Variants in ACTR3B observed in about 807,000 individuals in gnomAD.
ACTR3B encodes actin-related protein 3B.
ACTR3B carries 8 observed loss-of-function variants against 59.0 expected under a neutral mutation model. That is an observed-to-expected ratio of 0.14 (90% CI 0.08 to 0.24). The LOEUF (loss-of-function observed/expected upper bound fraction) is 0.24, where lower values mean the gene tolerates loss of function less well. ACTR3B is among the 10% of genes least tolerant of loss of function. The probability of loss-of-function intolerance (pLI) is 1.00; values close to 1 mark genes in which losing one functional copy is unlikely to be tolerated. For synonymous variants in ACTR3B, 148 were observed against 197.9 expected (o/e 0.75, Z 2.12); for missense variants, 245 against 552.3 (o/e 0.44, Z 5.58).
chr7:152,820,245 G>A, intron 6 of ACTR3B, 54 bp from the exon 7 acceptor site: 1 of 1,575,720 alleles, frequency 6.3e-7, no homozygotes, highest in Non-Finnish European at 8.6e-7. Flanking sequence ...AGTCCAGGCT[G>A]CTCTCCACCA....
At chr7:152,774,093 T>C (rs1334175376) in intron 1 of ACTR3B, among the ~76,000 whole-genome samples, 1 of 152,210 alleles carries the variant, frequency 6.6e-6, no homozygotes, top group Non-Finnish European at 1.5e-5. Flanking sequence ...TTGTCACCTT[T>C]TCTTTTCTCC....
In ACTR3B at chr7:152,800,521, T is replaced by TG. The variant is rs1261443599; in HGVS notation, c.101-10_101-9insG. On this transcript the variant is annotated splice_polypyrimidine_tract_variant and intron_variant, in intron 2 of 11. Coordinates refer to ENST00000256001, the MANE Select transcript of ACTR3B (RefSeq NM_020445.6). ...GTGATAGAAATCTGTGTGTGTGTGT[T>TG]TTTTTTAAGGTATTGCCATCAGAGA... The TG allele has an allele frequency of 2.6e-6, 4 of 1,557,500 alleles. No homozygotes were observed. The highest frequency in any genetic ancestry group is 1.8e-5 in the Admixed American group (1 of 56,266).
chr7:152,802,933 T>C (rs2098241215), intron 4 of ACTR3B, among the ~76,000 whole-genome samples: 1 of 152,260 alleles, frequency 6.6e-6, no homozygotes, highest in Non-Finnish European at 1.5e-5. Context: ...TTTGATCTTT[T>C]TTCCCTGGCT....
At chr7:152,785,789 G>A (rs1417495982) in intron 2 of ACTR3B, among the ~76,000 whole-genome samples, 1 of 52,108 alleles carries the variant, frequency 1.9e-5, no homozygotes, top group African/African-American at 8.7e-5. Context: ...TGGGGAGAGC[G>A]CCAGGAGGTG....
intron 9 of ACTR3B, among the ~76,000 whole-genome samples, chr7:152,840,462 G>A (rs1459234387): frequency 6.6e-6 from 1 of 152,204 alleles, no homozygotes; most frequent in African/African-American, 2.4e-5. Context: ...GAGCCCACGG[G>A]TGGGGGGTTT....
chr7:152,854,384 G>C lies in ACTR3B; in HGVS notation c.1162-74G>C. On this transcript the variant is annotated intron_variant, in intron 11 of 11. Coordinates refer to ENST00000256001, the MANE Select transcript of ACTR3B (RefSeq NM_020445.6). The surrounding 1 kb of genome is among the most constrained non-coding windows in gnomAD (Gnocchi z 4.9). The stretch of plus-strand genomic sequence containing the variant: ...GAGGCCGGGATGAGGAGAGTGTCTT[G>C]CCTGCTTGGTAGCTGGTTCCCTTGA... 1 of 1,388,616 alleles carries C rather than the reference G, an allele frequency of 7.2e-7. No individual in the cohort carries two copies. The highest frequency in any genetic ancestry group is 1.0e-6 in the Non-Finnish European group (1 of 976,146). 86.0% of individuals were successfully genotyped at this position (1,388,616 alleles called of 1,614,324 possible).
chr7:152,775,033 T>A (rs985147237), intron 1 of ACTR3B, among the ~76,000 whole-genome samples: 1 of 151,658 alleles, frequency 6.6e-6, no homozygotes, highest in African/African-American at 2.4e-5. Context: ...CAGGACACAG[T>A]TTGAGAACAC....
intron 4 of ACTR3B, among the ~76,000 whole-genome samples, chr7:152,803,543 T>C (rs1477163561): frequency 6.6e-6 from 1 of 152,232 alleles, no homozygotes; most frequent in Admixed American, 6.5e-5. Context: ...TTCTGTCTAC[T>C]TCAGCTTCCC....
At chr7:152,851,769 G>A (rs1798825251) in intron 9 of ACTR3B, among the ~76,000 whole-genome samples, 1 of 152,118 alleles carries the variant, frequency 6.6e-6, no homozygotes, top group Admixed American at 6.5e-5. Context: ...AGGCGGACCA[G>A]GGGAGAGCTG....
At position 152,771,062 on chromosome 7, in the gene ACTR3B, T is replaced by G. The variant is rs2689512; in HGVS notation, c.44+11136T>G. ...TACTGCAACCTCTGCCTCCTGGGTT[T>G]AAGCCATTCTCCTGCCTCAGCCTCC... On this transcript the variant is annotated intron_variant, in intron 1 of 11. Coordinates refer to ENST00000256001, the MANE Select transcript of ACTR3B (RefSeq NM_020445.6). 3.0e-3 allele frequency among the ~76,000 whole-genome samples: 427 copies of G among 143,906 alleles called. 3 individuals carry two copies. The highest frequency in any genetic ancestry group is 0.01 in the African/African-American group (408 of 39,664). 94.4% of individuals were successfully genotyped at this position (143,906 alleles called of 152,430 possible). A position where few individuals can be genotyped will look rare whatever the true frequency, so the allele number is the denominator to read the frequency against.
chr7:152,855,159 G>A lies in ACTR3B; in HGVS notation c.*606G>A, dbSNP rs975346353. 15 of 152,592 alleles carry A rather than the reference G, an allele frequency of 9.8e-5. No homozygotes were observed. The highest frequency in any genetic ancestry group is 7.2e-4 in the Admixed American group (11 of 15,278). 9.5% of individuals were successfully genotyped at this position (152,592 alleles called of 1,614,324 possible). On this transcript the variant is annotated 3_prime_UTR_variant, in exon 12 of 12. Coordinates refer to ENST00000256001, the MANE Select transcript of ACTR3B (RefSeq NM_020445.6). ...AAAACAGCAAACTTTTTTGCCACAT[G>A]TTTGCTAGAAAATGATTATACTTTA... is the stretch of plus-strand genomic sequence containing the variant.
At chr7:152,823,688 C>T (rs567094962) in intron 8 of ACTR3B, among the ~76,000 whole-genome samples, 173 bp downstream of exon 8, 66 of 152,222 alleles carry the variant, frequency 4.3e-4, no homozygotes, top group Middle Eastern at 3.4e-3. Context: ...TTTGCCTCTC[C>T]GTAGAGCTGG....
intron 1 of ACTR3B, among the ~76,000 whole-genome samples, chr7:152,775,946 G>A (rs900506282): frequency 2.6e-5 from 4 of 152,108 alleles, no homozygotes; most frequent in African/African-American, 7.2e-5. Context: ...AAAGGCAGAC[G>A]TGTAACTATT....
At chr7:152,848,767 C>T (rs1331609922) in intron 9 of ACTR3B, among the ~76,000 whole-genome samples, 1 of 152,170 alleles carries the variant, frequency 6.6e-6, no homozygotes, top group Non-Finnish European at 1.5e-5. Flanking sequence ...CACCAGGCCA[C>T]AAGACCCATC....
At position 152,816,607 on chromosome 7, in the gene ACTR3B, A is replaced by G; in HGVS notation, c.540+19A>G. 6.5e-7 allele frequency: 1 copy of G among 1,547,026 alleles called. No homozygotes were observed. Among genetic ancestry groups the G allele is most frequent in the East Asian group, 2.4e-5 (1 of 41,472 alleles). On this transcript the variant is annotated intron_variant, in intron 6 of 11. Transcript: ENST00000256001. ...CCCAGTGGTAAGCAGAATAGTTAAT[A>G]TATAAGTCTCTGTAGGCTTAACACC...
intron 4 of ACTR3B, among the ~76,000 whole-genome samples, chr7:152,807,317 A>G (rs1051275809): frequency 6.6e-6 from 1 of 151,984 alleles, no homozygotes; most frequent in Non-Finnish European, 1.5e-5. Flanking sequence ...CTTTTTACCC[A>G]TTTTTAAAAT....
chr7:152,801,833 A>C, intron 4 of ACTR3B, 102 bp downstream of exon 4: 1 of 562,550 alleles, frequency 1.8e-6, no homozygotes. Context: ...ATTTCTTCTA[A>C]AGATATGTGC....
intron 4 of ACTR3B, among the ~76,000 whole-genome samples, chr7:152,806,724 A>G (rs1412295449): frequency 6.6e-5 from 10 of 152,186 alleles, no homozygotes; most frequent in East Asian, 1.9e-4. Context: ...CCTGGCAACC[A>G]TACTCCAGCT....
chr7:152,836,509 C>G (rs1311282217), intron 9 of ACTR3B, among the ~76,000 whole-genome samples: 3 of 151,842 alleles, frequency 2.0e-5, no homozygotes, highest in Admixed American at 2.0e-4. Flanking sequence ...ATCCCTTGAG[C>G]CCAGAAGGTC....
Sources: allele counts gnomAD v4.1 joint callset (sites outside exome capture counted in the v4.1 genomes callset), GRCh38; gene constraint gnomAD v4.1.1; non-coding constraint Gnocchi (gnomAD v3.1); transcripts MANE v1.5; gene names NCBI Gene and HGNC (gene_info 2026-07-23, HGNC 2026-07-21).